The following SNCAIP variants were observed in gnomAD, a reference collection of about 807,000 sequenced individuals.
SNCAIP encodes the protein synphilin-1.
A neutral mutation model predicts 86.7 loss-of-function variants in SNCAIP; 43 were observed. The observed-to-expected ratio is 0.50, with a 90% confidence interval of 0.39 to 0.64. The LOEUF (loss-of-function observed/expected upper bound fraction) is 0.64. SNCAIP is among the 30% of genes least tolerant of loss of function. The probability of loss-of-function intolerance (pLI) is 0.00; values close to 1 mark genes in which losing one functional copy is unlikely to be tolerated. For synonymous variants in SNCAIP, 417 were observed against 427.2 expected (o/e 0.98, Z 0.29); for missense variants, 981 against 1,103.1 (o/e 0.89, Z 1.57).
chr5:122,368,981 C>T (rs961094019), intron 1 of SNCAIP, among the ~76,000 whole-genome samples: 32 of 152,106 alleles, frequency 2.1e-4, no homozygotes, highest in Non-Finnish European at 1.0e-4. Context: ...TCCCGGCCAG[C>T]GAACTAATCA....
intron 9 of SNCAIP, 44 bp downstream of exon 9, chr5:122,449,981 A>G (rs1184235960): frequency 7.6e-7 from 1 of 1,307,572 alleles, no homozygotes; most frequent in South Asian, 1.2e-5. Context: ...AGTATCCTAA[A>G]TTGTTAAGCC....
At chr5:122,346,928 T>G (rs1045700313) in intron 1 of SNCAIP, among the ~76,000 whole-genome samples, 1 of 151,990 alleles carries the variant, frequency 6.6e-6, no homozygotes, top group Non-Finnish European at 1.5e-5. Flanking sequence ...TAAGAGAGAT[T>G]AATGATATGG....
intron 3 of SNCAIP, among the ~76,000 whole-genome samples, chr5:122,416,728 G>C (rs988939637): frequency 6.6e-6 from 1 of 152,148 alleles, no homozygotes; most frequent in Non-Finnish European, 1.5e-5. Flanking sequence ...AGTGGGTGCA[G>C]TACAGACTTC....
rs146334580 is a variant in SNCAIP at position 122,317,604 on chromosome 5, G to A, written c.-47+5320G>A. On this transcript the variant is annotated intron_variant, in intron 1 of 10. Coordinates refer to ENST00000261368, the MANE Select transcript of SNCAIP (RefSeq NM_005460.4). ...GGCAGGTGGGAAGGAGTGTATGGGA[G>A]TGAAGGAAGTACATGGGAGACTAGT... 1.6e-3 allele frequency among the ~76,000 whole-genome samples: 248 copies of A among 152,218 alleles called. 1 individual carries two copies. Among genetic ancestry groups the A allele is most frequent in the African/African-American group, 5.9e-3 (244 of 41,538 alleles).
At chr5:122,401,464 T>C (rs568358469) in intron 2 of SNCAIP, among the ~76,000 whole-genome samples, 1 of 152,330 alleles carries the variant, frequency 6.6e-6, no homozygotes, top group East Asian at 1.9e-4. Context: ...TTATAAAAAA[T>C]GATGGACTTG....
chr5:122,328,428 C>G (rs1351263716), intron 1 of SNCAIP, among the ~76,000 whole-genome samples: 1 of 152,138 alleles, frequency 6.6e-6, no homozygotes, highest in African/African-American at 2.4e-5. Context: ...GTGAATAGCC[C>G]CAGCTTTCAA....
intron 8 of SNCAIP, among the ~76,000 whole-genome samples, chr5:122,448,196 A>T (rs12188815): frequency 0.2 from 30,113 of 152,000 alleles, 3,501 homozygotes; most frequent in South Asian, 0.31. Flanking sequence ...AAAATTTATG[A>T]TATATTTGTT....
intron 1 of SNCAIP, among the ~76,000 whole-genome samples, chr5:122,387,640 TC>T (rs1376031756): frequency 3.9e-5 from 6 of 152,140 alleles, no homozygotes; most frequent in African/African-American, 1.4e-4. Flanking sequence ...CTTCCTCCCT[TC>T]CCCTGGAGTC....
At chr5:122,416,871 G>A (rs900554173) in intron 3 of SNCAIP, among the ~76,000 whole-genome samples, 2 of 152,162 alleles carry the variant, frequency 1.3e-5, no homozygotes, top group African/African-American at 4.8e-5. Context: ...CCTTGAAGGC[G>A]CCTAGGTTTC....
At chr5:122,446,776 G>C (rs1273860504) in intron 8 of SNCAIP, among the ~76,000 whole-genome samples, 1 of 152,182 alleles carries the variant, frequency 6.6e-6, no homozygotes, top group Non-Finnish European at 1.5e-5. Flanking sequence ...ACAGGAGAGA[G>C]GATGGAAAAC....
At chr5:122,387,316 G>A (rs1393144854) in intron 1 of SNCAIP, among the ~76,000 whole-genome samples, 1 of 151,832 alleles carries the variant, frequency 6.6e-6, no homozygotes, top group Non-Finnish European at 1.5e-5. Flanking sequence ...CCACCACCAC[G>A]CCCGGCTAAT....
At chr5:122,372,681 GAA>G (rs1259521374) in intron 1 of SNCAIP, among the ~76,000 whole-genome samples, 2 of 152,114 alleles carry the variant, frequency 1.3e-5, no homozygotes, top group African/African-American at 4.8e-5. Flanking sequence ...CTGTAGGAAG[GAA>G]AGTCTCCCTA....
At chr5:122,353,637 C>G (rs561162979) in intron 1 of SNCAIP, among the ~76,000 whole-genome samples, 1 of 152,194 alleles carries the variant, frequency 6.6e-6, no homozygotes, top group East Asian at 1.9e-4. Context: ...CTCACAAGAT[C>G]TGATGATTTT....
intron 10 of SNCAIP, among the ~76,000 whole-genome samples, chr5:122,453,758 C>CTTTTTTTTTTT (rs72006645): frequency 7.3e-6 from 1 of 136,638 alleles, no homozygotes; most frequent in Non-Finnish European, 1.6e-5. Flanking sequence ...AAGACTATCA[C>CTTTTTTTTTTT]TTTTTTTTTT....
chr5:122,318,966 C>CTTT (rs58667095), intron 1 of SNCAIP, among the ~76,000 whole-genome samples: 7 of 130,644 alleles, frequency 5.4e-5, no homozygotes, highest in Non-Finnish European at 8.3e-5. Context: ...CTGTTATCAT[C>CTTT]TTTTTTTTTT....
chr5:122,364,007 T>C lies in SNCAIP; in HGVS notation c.-46-27082T>C, dbSNP rs184414802. On this transcript the variant is annotated intron_variant, in intron 1 of 10. Transcript: ENST00000261368. ...CAGGCTAATTAAAAAAAGAATATTA[T>C]GTGTGTGAAGATGAGGTCTTCCTAT... Among the ~76,000 whole-genome samples, 524 of 151,986 alleles carry C rather than the reference T, an allele frequency of 3.4e-3. 6 individuals are homozygous for C. The highest frequency in any genetic ancestry group is 0.012 in the African/African-American group (509 of 41,456).
chr5:122,461,869 A>G (rs1786405925), intron 10 of SNCAIP, among the ~76,000 whole-genome samples: 1 of 152,020 alleles, frequency 6.6e-6, no homozygotes, highest in Non-Finnish European at 1.5e-5. Context: ...GGGTTTCGCC[A>G]TGTTGGCCAA....
At chr5:122,430,444 A>G (rs1778185027) in intron 5 of SNCAIP, among the ~76,000 whole-genome samples, 1 of 152,196 alleles carries the variant, frequency 6.6e-6, no homozygotes, top group Non-Finnish European at 1.5e-5. Flanking sequence ...TGGTAACTCT[A>G]TGAGGTAGTT....
rs575255880 is a variant in SNCAIP at position 122,358,317 on chromosome 5, T to C, written c.-46-32772T>C. On this transcript the variant is annotated intron_variant, in intron 1 of 10. Transcript: ENST00000261368. ...GTGTGCTGCACCCATTAACTCGTCA[T>C]TTATATTAGGTGTATCTCCTAATGC... Among the ~76,000 whole-genome samples the C allele has an allele frequency of 1.3e-4, 19 of 149,966 alleles. 1 individual carries two copies. In the South Asian group the frequency reaches 3.9e-3, roughly 31 times the overall value.
Sources: allele counts gnomAD v4.1 joint callset (sites outside exome capture counted in the v4.1 genomes callset), GRCh38; gene constraint gnomAD v4.1.1; transcripts MANE v1.5; gene names NCBI Gene and HGNC (gene_info 2026-07-23, HGNC 2026-07-21).